The following ADAP1 variants were observed in gnomAD, a reference collection of about 807,000 sequenced individuals.
ADAP1 encodes the protein arf-GAP with dual PH domain-containing protein 1.
ADAP1 carries 31 observed loss-of-function variants against 54.9 expected under a neutral mutation model. The observed-to-expected ratio is 0.56, with a 90% CI of 0.42 to 0.76. The LOEUF (loss-of-function observed/expected upper bound fraction) is 0.76. Among genes scored for constraint, ADAP1 ranks in the 30% least tolerant of loss-of-function variants. The pLI is 0.00. For missense variants in ADAP1, 535 were observed against 512.4 expected, an observed-to-expected ratio of 1.04 and a Z score of -0.42; for synonymous variants, 313 against 202.6, an observed-to-expected ratio of 1.55 and a Z score of -4.63.
In ADAP1 at chr7:932,120, G is replaced by A. The variant is rs563736033; in HGVS notation, c.213+3255C>T. ...CTGAGATTCATCTTTGGTTTTTATCGCACCAGTGAACGTGCAGACAACAGA... is the reference window on the plus strand; with the variant it reads ...CTGAGATTCATCTTTGGTTTTTATCACACCAGTGAACGTGCAGACAACAGA... On this transcript the variant is annotated intron_variant, in intron 2 of 10. Transcript: ENST00000265846. Among the ~76,000 whole-genome samples the A allele has an allele frequency of 3.0e-4, 46 of 152,326 alleles. No homozygotes were observed. In the South Asian group the frequency reaches 8.9e-3, roughly 29 times the overall value.
chr7:914,920 G>T (rs545384857), intron 4 of ADAP1, among the ~76,000 whole-genome samples: 1 of 152,006 alleles, frequency 6.6e-6, no homozygotes, highest in Admixed American at 6.5e-5. Context: ...GGTGAGCCCT[G>T]CCCTGAGCAG....
Position 905,089 on chromosome 7 carries a change from C to T in ADAP1, c.472G>A (p.Gly158Ser). 1.9e-6 allele frequency: 3 copies of T among 1,612,174 alleles called. No homozygotes were observed. The highest frequency in any genetic ancestry group is 1.1e-5 in the South Asian group (1 of 91,092). Residue 158 changes from glycine (G) to serine (S), a missense_variant, in exon 5 of 11, where the codon GGT becomes AGT. Gly to Ser is a moderately conservative substitution (Grantham distance 56, BLOSUM62 0). Transcript: ENST00000265846. ...SRKFVLTEREGALKYFNRNDA... is the reference protein window; with the variant it reads ...SRKFVLTERESALKYFNRNDA... ...TTTCTGTTGAAATACTTCAGAGCAC[C>T]CTCTCGTTCTGTCAGCACAAACTTC...
At chr7:916,423 AAC>A (rs1845934779) in intron 4 of ADAP1, among the ~76,000 whole-genome samples, 1 of 152,148 alleles carries the variant, frequency 6.6e-6, no homozygotes, top group Non-Finnish European at 1.5e-5. Flanking sequence ...CTGATACAAG[AAC>A]AGACACAAAA....
chr7:912,918 A>G (rs1845782507), intron 4 of ADAP1, among the ~76,000 whole-genome samples: 1 of 152,198 alleles, frequency 6.6e-6, no homozygotes, highest in African/African-American at 2.4e-5. Flanking sequence ...GTGCAATCAC[A>G]GCTCACTGCA....
intron 4 of ADAP1, among the ~76,000 whole-genome samples, chr7:910,325 C>A (rs1470431748): frequency 6.6e-6 from 1 of 151,938 alleles, no homozygotes; most frequent in Non-Finnish European, 1.5e-5. Context: ...TCACAGCTCA[C>A]TGCAGCCTTG....
At chr7:923,330 G>A (rs1300159318) in intron 3 of ADAP1, 1 of 151,820 alleles carries the variant, frequency 6.6e-6, no homozygotes, top group Non-Finnish European at 1.5e-5. Context: ...CCTCCAGCCG[G>A]TGCTGCCAGC....
chr7:913,179 T>C, intron 4 of ADAP1, among the ~76,000 whole-genome samples: 1 of 149,576 alleles, frequency 6.7e-6, no homozygotes, highest in East Asian at 2.0e-4. Context: ...GTGCAAAGGC[T>C]GCTGGCCTCC....
At position 917,736 on chromosome 7, in the gene ADAP1, T is replaced by G. The variant is rs1474622907; in HGVS notation, c.388+2232A>C. On this transcript the variant is annotated intron_variant, in intron 4 of 10. Transcript: ENST00000265846. Reference sequence around the variant, plus strand: ...GCCCGCCTAGGCCTCCCAAGGTGCTTCTTTTATTCTTGGGGTGAGATTCAC... The same window carrying G: ...GCCCGCCTAGGCCTCCCAAGGTGCTGCTTTTATTCTTGGGGTGAGATTCAC... Among the ~76,000 whole-genome samples, 8 of 152,082 alleles carry G rather than the reference T, an allele frequency of 5.3e-5. No homozygotes were observed. The East Asian group carries it at 5.8e-4, about 11-fold the overall frequency.
At position 954,211 on chromosome 7, in the gene ADAP1, G is replaced by C. The variant is rs541666051; in HGVS notation, c.82+185C>G. 3.5e-3 allele frequency among the ~76,000 whole-genome samples: 527 copies of C among 151,702 alleles called. 2 individuals carry two copies. The highest frequency in any genetic ancestry group is 6.0e-3 in the Non-Finnish European group (405 of 67,788). On this transcript the variant is annotated intron_variant, in intron 1 of 10. Transcript: ENST00000265846. ...TGCGCCCGGCCCGGGAAGACGTCCGGGTCCCCGCAGGTGCAGCCGGGCCCG... is the reference window on the plus strand; with the variant it reads ...TGCGCCCGGCCCGGGAAGACGTCCGCGTCCCCGCAGGTGCAGCCGGGCCCG...
intron 4 of ADAP1, among the ~76,000 whole-genome samples, chr7:906,203 AAGG>A (rs1845298956): frequency 1.0e-5 from 1 of 96,810 alleles, no homozygotes; most frequent in African/African-American, 3.3e-5. Flanking sequence ...AGAAAGGAGA[AAGG>A]AGAAAGGAGA....
At position 898,743 on chromosome 7, in the gene ADAP1, C is replaced by T. The variant is rs1844627406; in HGVS notation, c.*178G>A. The T allele has an allele frequency of 1.3e-6, 1 of 784,848 alleles. No homozygotes were observed. Among genetic ancestry groups the T allele is most frequent in the Non-Finnish European group, 2.1e-6 (1 of 487,720 alleles). The allele number at this position is 784,848 out of a possible 1,614,324, so 48.6% of individuals were successfully genotyped here. A position where few individuals can be genotyped will look rare whatever the true frequency, so the allele number is the denominator to read the frequency against. On this transcript the variant is annotated 3_prime_UTR_variant, in exon 11 of 11. Transcript: ENST00000265846. ...CAGGCCCAGGGCCTGGGCTGCCTGC[C>T]TTGAGGTTCCAGAGAAGCATCCTGG...
intron 4 of ADAP1, 62 bp from the exon 5 acceptor site, chr7:905,234 G>A (rs1250353441): frequency 3.1e-6 from 4 of 1,297,002 alleles, no homozygotes; most frequent in African/African-American, 1.6e-5. Context: ...CAAAAGGAGT[G>A]ACGATGGACA....
At chr7:905,022 T>C (rs1410021246) in intron 5 of ADAP1, 38 bp downstream of exon 5, 4 of 1,580,010 alleles carry the variant, frequency 2.5e-6, no homozygotes, top group Non-Finnish European at 3.5e-6. Flanking sequence ...GATGCCGCCC[T>C]GGGACAGGCC....
In ADAP1 at chr7:946,735, G is replaced by A. The variant is rs1301749775; in HGVS notation, c.82+7661C>T. On this transcript the variant is annotated intron_variant, in intron 1 of 10. Coordinates refer to ENST00000265846, the MANE Select transcript of ADAP1 (RefSeq NM_006869.4). The surrounding 1 kb of genome is among the most constrained non-coding windows in gnomAD (Gnocchi z 4.3). Reference sequence around the variant, plus strand: ...CTCGCACAGGGCCGACTCCTCTGCGGCCCATCTGGTCTCTCGGCTGTCAAA... The same window carrying A: ...CTCGCACAGGGCCGACTCCTCTGCGACCCATCTGGTCTCTCGGCTGTCAAA... Among the ~76,000 whole-genome samples, 2 of 152,252 alleles carry A rather than the reference G, an allele frequency of 1.3e-5. No individual in the cohort carries two copies. Among genetic ancestry groups the A allele is most frequent in the East Asian group, 3.8e-4 (2 of 5,204 alleles).
chr7:905,318 G>A (rs927036001), intron 4 of ADAP1, 146 bp from the exon 5 acceptor site: 1 of 502,894 alleles, frequency 2.0e-6, no homozygotes, highest in Admixed American at 2.9e-5. Flanking sequence ...CGGACGGGGA[G>A]AGGGGACATG....
intron 2 of ADAP1, among the ~76,000 whole-genome samples, chr7:929,248 T>C (rs1583172110): frequency 6.8e-6 from 1 of 147,264 alleles, no homozygotes; most frequent in Admixed American, 6.9e-5. Flanking sequence ...GCAGAGATCG[T>C]GCCACAGCAC....
chr7:949,996 G>A (rs1327022877), intron 1 of ADAP1, among the ~76,000 whole-genome samples: 3 of 152,208 alleles, frequency 2.0e-5, no homozygotes, highest in Non-Finnish European at 4.4e-5. Flanking sequence ...CTGCACCCTC[G>A]TGCTCACACA....
intron 4 of ADAP1, among the ~76,000 whole-genome samples, chr7:907,551 C>T (rs1845523908): frequency 6.6e-6 from 1 of 152,090 alleles, no homozygotes; most frequent in Non-Finnish European, 1.5e-5. Flanking sequence ...CGTGTGGCCA[C>T]TCAGAGGGGC....
upstream of ADAP1, chr7:954,797 C>A: frequency 1.2e-6 from 1 of 823,752 alleles, no homozygotes; most frequent in Non-Finnish European, 1.5e-6. Flanking sequence ...GCCCCCAGCC[C>A]GCGCGCCCCG....
Sources: gnomAD v4.1 joint callset for allele counts (sites outside exome capture counted in the v4.1 genomes callset) on GRCh38, gnomAD v4.1.1 for gene constraint, Gnocchi (gnomAD v3.1) non-coding constraint, MANE v1.5 for transcripts, NCBI Gene and HGNC (gene_info 2026-07-23, HGNC 2026-07-21) for gene names.